CAMK2D: variants seen among roughly 807,000 people sequenced by gnomAD.
The protein encoded by CAMK2D is calcium/calmodulin dependent protein kinase II delta.
Under a neutral mutation model 84.0 loss-of-function variants are expected in CAMK2D, and 37 were observed. The ratio of observed to expected loss-of-function variants is 0.44; its 90% CI spans 0.34 to 0.58. The LOEUF is 0.58. Among genes scored for constraint, CAMK2D ranks in the 20% least tolerant of loss-of-function variants. The pLI, the probability that CAMK2D is intolerant of heterozygous loss-of-function variation, is 0.02. For synonymous variants in CAMK2D, 202 were observed against 212.5 expected (o/e 0.95, Z 0.43); for missense variants, 448 against 652.5 (o/e 0.69, Z 3.41).
At chr4:113,703,018 A>G (rs2099427540) in intron 2 of CAMK2D, among the ~76,000 whole-genome samples, 1 of 152,218 alleles carries the variant, frequency 6.6e-6, no homozygotes, top group Non-Finnish European at 1.5e-5. Flanking sequence ...AGTGCTCACT[A>G]GCTACATACA....
intron 3 of CAMK2D, among the ~76,000 whole-genome samples, chr4:113,654,544 T>C (rs937235694): frequency 2.0e-5 from 3 of 151,994 alleles, no homozygotes; most frequent in Admixed American, 2.0e-4. Flanking sequence ...TTAATGTTTA[T>C]CTTATGTGAG....
intron 16 of CAMK2D, among the ~76,000 whole-genome samples, chr4:113,466,127 A>G (rs1179260770): frequency 6.6e-6 from 1 of 151,864 alleles, no homozygotes; most frequent in Non-Finnish European, 1.5e-5. Flanking sequence ...TTGGTGGCGC[A>G]TGCCTATAAT....
chr4:113,512,183 T>G (rs898100649), intron 12 of CAMK2D, among the ~76,000 whole-genome samples: 1 of 152,220 alleles, frequency 6.6e-6, no homozygotes, highest in Non-Finnish European at 1.5e-5. Context: ...GCTGCTCCAG[T>G]CCTTCCCCCT....
chr4:113,524,329 T>C (rs1590702912), intron 8 of CAMK2D, among the ~76,000 whole-genome samples: 2 of 152,236 alleles, frequency 1.3e-5, no homozygotes, highest in Non-Finnish European at 1.5e-5. Flanking sequence ...ATCACCTTTC[T>C]ATTTTCTGTT....
At chr4:113,565,755 T>A (rs1201855008) in intron 4 of CAMK2D, among the ~76,000 whole-genome samples, 1 of 151,776 alleles carries the variant, frequency 6.6e-6, no homozygotes, top group Non-Finnish European at 1.5e-5. Flanking sequence ...GATGACAGAA[T>A]CACCTTAATT....
At chr4:113,542,794 A>G (rs890192018) in intron 6 of CAMK2D, among the ~76,000 whole-genome samples, 4 of 152,138 alleles carry the variant, frequency 2.6e-5, no homozygotes, top group African/African-American at 9.7e-5. Flanking sequence ...TTTGGTCATA[A>G]ATTTAATTTA....
intron 5 of CAMK2D, among the ~76,000 whole-genome samples, chr4:113,550,372 C>T (rs1257216780): frequency 6.6e-6 from 1 of 152,118 alleles, no homozygotes; most frequent in East Asian, 1.9e-4. Flanking sequence ...AGGGTTTCAC[C>T]ATGTTGCCCA....
chr4:113,519,722 A>G (rs1169410644), intron 8 of CAMK2D, among the ~76,000 whole-genome samples: 3 of 152,212 alleles, frequency 2.0e-5, no homozygotes, highest in Non-Finnish European at 2.9e-5. Flanking sequence ...GGATAATGTA[A>G]TACTAATAAA....
chr4:113,647,778 T>C (rs1025317069), intron 3 of CAMK2D, among the ~76,000 whole-genome samples: 1 of 152,248 alleles, frequency 6.6e-6, no homozygotes, highest in African/African-American at 2.4e-5. Context: ...CTCATCCATA[T>C]TATGAATATA....
Position 113,547,679 on chromosome 4 carries a change from A to T in CAMK2D, c.379T>A (p.Cys127Ser), listed in dbSNP as rs767474594. The change falls in exon 6 of 21, where the codon TGC (cysteine) becomes AGC (serine). Residue 127 changes from cysteine to serine, a missense_variant. This residue lies in a region of CAMK2D where 60 missense variants were observed against 70.0 expected (regional missense o/e 0.86). Transcript: ENST00000511664. ...IQQILEAVLH[C>S]HQMGVVHRDL... ...CGATGGACCACGCCCATCTGATGGC[A>T]GTGTAGCACAGCCTCCAGGATCTGC... The T allele has an allele frequency of 8.3e-6, 13 of 1,569,554 alleles. No individual in the cohort carries two copies. The South Asian group carries it at 1.4e-4, about 17-fold the overall frequency.
At chr4:113,632,532 G>A (rs2099094085) in intron 3 of CAMK2D, among the ~76,000 whole-genome samples, 1 of 150,678 alleles carries the variant, frequency 6.6e-6, no homozygotes, top group Admixed American at 6.6e-5. Context: ...CTGTGTGTGT[G>A]TATTATTTGA....
At chr4:113,610,572 C>G (rs2098995796) in intron 3 of CAMK2D, among the ~76,000 whole-genome samples, 1 of 152,046 alleles carries the variant, frequency 6.6e-6, no homozygotes, top group Admixed American at 6.6e-5. Context: ...CATTCCTGGC[C>G]TCCTATTAAA....
intron 2 of CAMK2D, among the ~76,000 whole-genome samples, chr4:113,695,779 C>T (rs942249797): frequency 9.9e-5 from 15 of 152,078 alleles, no homozygotes; most frequent in African/African-American, 3.4e-4. Context: ...AACCAAGTAA[C>T]CAGATTGACC....
At chr4:113,577,503 C>CTAG (rs1194518751) in intron 4 of CAMK2D, among the ~76,000 whole-genome samples, 2 of 152,196 alleles carry the variant, frequency 1.3e-5, no homozygotes, top group Non-Finnish European at 2.9e-5. Flanking sequence ...AGTCTTCTCA[C>CTAG]TGTCACTAAT....
chr4:113,756,916 T>G (rs1176572596), intron 2 of CAMK2D, among the ~76,000 whole-genome samples: 1 of 152,112 alleles, frequency 6.6e-6, no homozygotes, highest in Non-Finnish European at 1.5e-5. Flanking sequence ...TGTGACAATA[T>G]AAAATAAAAT....
intron 4 of CAMK2D, among the ~76,000 whole-genome samples, chr4:113,563,052 G>C (rs988121091): frequency 6.6e-6 from 1 of 151,920 alleles, no homozygotes; most frequent in Non-Finnish European, 1.5e-5. Flanking sequence ...TCAGGAGTTC[G>C]AGGCCAGGCT....
At chr4:113,621,705 CTG>C (rs1006634698) in intron 3 of CAMK2D, among the ~76,000 whole-genome samples, 1 of 152,198 alleles carries the variant, frequency 6.6e-6, no homozygotes, top group Non-Finnish European at 1.5e-5. Context: ...GGGGATATAA[CTG>C]TGAACAAATC....
Position 113,761,425 on chromosome 4 carries a change from C to A in CAMK2D, c.-357G>T. The A allele has an allele frequency of 2.5e-6, 3 of 1,201,882 alleles. No individual in the cohort carries two copies. The highest frequency in any genetic ancestry group is 1.8e-5 in the South Asian group (1 of 55,066). The allele number at this position is 1,201,882 out of a possible 1,614,324, so 74.5% of individuals were successfully genotyped here. A position where few individuals can be genotyped will look rare whatever the true frequency, so the allele number is the denominator to read the frequency against. ...CGGGAAATGGAAAAACAGCCAGGCA[C>A]GGGACGAGTGGCAAGCAGTTGCGAA... On this transcript the variant is annotated 5_prime_UTR_variant, in exon 1 of 21. Coordinates refer to ENST00000511664, the MANE Select transcript of CAMK2D (RefSeq NM_001321571.2).
intron 8 of CAMK2D, among the ~76,000 whole-genome samples, chr4:113,529,134 G>C (rs964646326): frequency 5.3e-5 from 8 of 152,126 alleles, no homozygotes; most frequent in Non-Finnish European, 1.2e-4. Flanking sequence ...ATATTAAAGA[G>C]ACTGGGTTAG....
Sources: allele counts gnomAD v4.1 joint callset (sites outside exome capture counted in the v4.1 genomes callset), GRCh38; gene constraint gnomAD v4.1.1; regional missense constraint gnomAD v4.1.1; transcripts MANE v1.5; gene names NCBI Gene and HGNC (gene_info 2026-07-23, HGNC 2026-07-21).